NCAM1: variants seen among roughly 807,000 people sequenced by gnomAD.
NCAM1 encodes antigen recognized by monoclonal antibody 5.1H11.
NCAM1 carries 14 observed loss-of-function variants against 109.8 expected under a neutral mutation model. The observed-to-expected ratio is 0.13, with a 90% CI of 0.08 to 0.20. The LOEUF is 0.20. NCAM1 is among the 10% of genes least tolerant of loss of function. The pLI, the probability that NCAM1 is intolerant of heterozygous loss-of-function variation, is 1.00. For synonymous variants in NCAM1, 418 were observed against 442.9 expected (o/e 0.94, Z 0.70); for missense variants, 774 against 1,109.9 (o/e 0.70, Z 4.30).
intron 1 of NCAM1, among the ~76,000 whole-genome samples, chr11:113,136,775 C>T (rs1392389160): frequency 9.9e-5 from 15 of 152,100 alleles, no homozygotes; most frequent in Admixed American, 9.8e-4. Context: ...GAGAGGGTGG[C>T]TTCCAATTCC....
chr11:113,056,116 G>A (rs797024323), intron 1 of NCAM1, among the ~76,000 whole-genome samples: 3 of 148,330 alleles, frequency 2.0e-5, no homozygotes, highest in African/African-American at 7.5e-5. Flanking sequence ...AACATGGATG[G>A]AACCGGAGGT....
rs185355292 is a variant in NCAM1 at position 113,172,642 on chromosome 11, G to A, written c.53-29737G>A. ...TAGCTGTTACAGTCTGTGGGAGAGGGGTTGATAGCAAAAATTATGTGGAGT... is the reference window on the plus strand; with the variant it reads ...TAGCTGTTACAGTCTGTGGGAGAGGAGTTGATAGCAAAAATTATGTGGAGT... On this transcript the variant is annotated intron_variant, in intron 1 of 19. Transcript: ENST00000316851. 8.0e-4 allele frequency among the ~76,000 whole-genome samples: 122 copies of A among 152,286 alleles called. 1 individual carries two copies. The highest frequency in any genetic ancestry group is 1.5e-3 in the Non-Finnish European group (105 of 68,024).
intron 1 of NCAM1, among the ~76,000 whole-genome samples, chr11:113,025,715 C>T (rs568428560): frequency 9.8e-6 from 1 of 102,516 alleles, no homozygotes; most frequent in African/African-American, 3.6e-5. Context: ...GAGACCACAT[C>T]TCACAAAAAA....
chr11:113,177,843 C>G (rs1943214627), intron 1 of NCAM1, among the ~76,000 whole-genome samples: 1 of 152,164 alleles, frequency 6.6e-6, no homozygotes, highest in African/African-American at 2.4e-5. Flanking sequence ...CACTCCGTTT[C>G]TGCTTTCTCT....
chr11:113,078,385 G>GT (rs112687073), intron 1 of NCAM1, among the ~76,000 whole-genome samples: 6,953 of 146,624 alleles, frequency 0.047, 485 homozygotes, highest in African/African-American at 0.16. Flanking sequence ...AGACCCTTTT[G>GT]TTTTTTTTTT....
intron 14 of NCAM1, among the ~76,000 whole-genome samples, chr11:113,241,205 G>A (rs1356216418): frequency 1.3e-5 from 2 of 152,240 alleles, no homozygotes; most frequent in Non-Finnish European, 2.9e-5. Flanking sequence ...CAGGGTCATA[G>A]AAAATGTGTT....
intron 1 of NCAM1, among the ~76,000 whole-genome samples, chr11:113,195,299 G>A (rs1555110623): frequency 6.6e-6 from 1 of 152,020 alleles, no homozygotes; most frequent in East Asian, 1.9e-4. Flanking sequence ...TAATGTATTG[G>A]TTCTTCTCTG....
intron 1 of NCAM1, among the ~76,000 whole-genome samples, chr11:113,092,499 A>G (rs1463089067): frequency 3.9e-5 from 6 of 152,136 alleles, no homozygotes; most frequent in African/African-American, 1.4e-4. Context: ...AGGGAGGTTA[A>G]ATTATTTGCC....
intron 1 of NCAM1, among the ~76,000 whole-genome samples, chr11:113,173,481 C>T (rs1434891799): frequency 2.6e-5 from 4 of 151,198 alleles, no homozygotes; most frequent in Non-Finnish European, 5.9e-5. Flanking sequence ...CAGCTATGTG[C>T]GTGGTCTCTG....
chr11:113,073,733 C>T (rs934241939), intron 1 of NCAM1, among the ~76,000 whole-genome samples: 5 of 152,126 alleles, frequency 3.3e-5, no homozygotes, highest in Non-Finnish European at 4.4e-5. Context: ...TTAGAACACC[C>T]GAGTCAGCTG....
chr11:113,115,767 A>G (rs968671914), intron 1 of NCAM1, among the ~76,000 whole-genome samples: 3 of 152,218 alleles, frequency 2.0e-5, no homozygotes, highest in Non-Finnish European at 4.4e-5. Context: ...GTTTTTGTTG[A>G]AAACAGATAA....
chr11:113,092,359 T>A (rs1345999469), intron 1 of NCAM1, among the ~76,000 whole-genome samples: 1 of 152,148 alleles, frequency 6.6e-6, no homozygotes, highest in African/African-American at 2.4e-5. Context: ...CCCTCTCAAC[T>A]GAAAGATGAG....
intron 1 of NCAM1, among the ~76,000 whole-genome samples, chr11:113,015,136 C>T (rs1952175411): frequency 1.3e-5 from 2 of 152,220 alleles, no homozygotes; most frequent in South Asian, 4.1e-4. Flanking sequence ...TACAGCTTCT[C>T]TTCTTGCACC....
intron 1 of NCAM1, among the ~76,000 whole-genome samples, chr11:113,108,075 C>A (rs531282701): frequency 6.6e-6 from 1 of 152,152 alleles, no homozygotes; most frequent in East Asian, 1.9e-4. Context: ...ATTAAACCAA[C>A]GTTGCCCATA....
chr11:113,062,542 G>T (rs1937717283), intron 1 of NCAM1, among the ~76,000 whole-genome samples: 1 of 152,132 alleles, frequency 6.6e-6, no homozygotes, highest in African/African-American at 2.4e-5. Context: ...CTAATAAGAT[G>T]ACTTTAAACC....
At chr11:113,005,438 C>T (rs1951868903) in intron 1 of NCAM1, among the ~76,000 whole-genome samples, 1 of 152,162 alleles carries the variant, frequency 6.6e-6, no homozygotes, top group Admixed American at 6.5e-5. Flanking sequence ...AAAAGATCTT[C>T]CAGTCTTCTG....
rs45583138 is a variant in NCAM1, at chr11:113,231,632, C to T, written c.1090-13C>T. ...GGGCTCTGACATGCTCCCTTCCCCC[C>T]CACCCCCGGCAGACTCTGGATGGGC... On this transcript the variant is annotated splice_polypyrimidine_tract_variant and intron_variant, in intron 9 of 19. Transcript: ENST00000316851. 6 of 1,612,142 alleles carry T rather than the reference C, an allele frequency of 3.7e-6. No homozygotes were observed. The South Asian group carries it at 4.4e-5, about 12-fold the overall frequency.
chr11:113,199,098 G>A (rs1943949528), intron 1 of NCAM1, among the ~76,000 whole-genome samples: 1 of 152,166 alleles, frequency 6.6e-6, no homozygotes. Context: ...ATAAGCACGT[G>A]TCTTTGAATC....
intron 1 of NCAM1, among the ~76,000 whole-genome samples, chr11:113,145,680 A>G (rs1555101177): frequency 1.3e-5 from 2 of 152,150 alleles, no homozygotes; most frequent in Non-Finnish European, 2.9e-5. Flanking sequence ...AAGGGTTTCT[A>G]TTTCCACTTC....
Sources: gnomAD v4.1 joint callset for allele counts (sites outside exome capture counted in the v4.1 genomes callset) on GRCh38, gnomAD v4.1.1 for gene constraint, MANE v1.5 for transcripts, NCBI Gene and HGNC (gene_info 2026-07-23, HGNC 2026-07-21) for gene names.